ASTN2: variants seen among roughly 807,000 people sequenced by gnomAD.
ASTN2 encodes astrotactin-2.
Under a neutral mutation model 139.8 loss-of-function variants are expected in ASTN2, and 54 were observed. The ratio of observed to expected loss-of-function variants is 0.39; its 90% CI spans 0.31 to 0.48. The LOEUF is 0.48. Ranked by LOEUF, ASTN2 falls within the 20% of genes least tolerant of loss-of-function variation. The pLI, the probability that ASTN2 is intolerant of heterozygous loss-of-function variation, is 0.95. For synonymous variants in ASTN2, 756 were observed against 719.5 expected (o/e 1.05, Z -0.81); for missense variants, 1,565 against 1,725.1 (o/e 0.91, Z 1.64).
chr9:116,957,527 G>T (rs1588440456), intron 10 of ASTN2, among the ~76,000 whole-genome samples: 1 of 152,178 alleles, frequency 6.6e-6, no homozygotes, highest in East Asian at 1.9e-4. Context: ...AGTTGTCATG[G>T]TCTCTTGGGA....
intron 10 of ASTN2, among the ~76,000 whole-genome samples, chr9:116,974,641 T>G (rs1004869659): frequency 6.6e-6 from 1 of 151,640 alleles, no homozygotes; most frequent in African/African-American, 2.4e-5. Context: ...CCCAAGTAGC[T>G]GGGATTATAG....
intron 19 of ASTN2, among the ~76,000 whole-genome samples, chr9:116,537,074 C>T (rs968840469): frequency 2.0e-5 from 3 of 152,216 alleles, no homozygotes; most frequent in African/African-American, 7.2e-5. Flanking sequence ...CCTCCCCCAG[C>T]CTTGCTGCTG....
At chr9:116,744,893 AGGAAGAT>A (rs1829192962) in intron 13 of ASTN2, among the ~76,000 whole-genome samples, 1 of 152,180 alleles carries the variant, frequency 6.6e-6, no homozygotes, top group African/African-American at 2.4e-5. Flanking sequence ...TGAGACCCAC[AGGAAGAT>A]GGCCAGATCT....
chr9:116,841,048 C>T (rs111610995), intron 11 of ASTN2, among the ~76,000 whole-genome samples: 4 of 87,594 alleles, frequency 4.6e-5, no homozygotes, highest in South Asian at 3.4e-4. Flanking sequence ...GGAGGTTGCA[C>T]GAGCCAAGAT....
chr9:116,828,475 T>A (rs1247528444), intron 11 of ASTN2, among the ~76,000 whole-genome samples: 1 of 151,482 alleles, frequency 6.6e-6, no homozygotes, highest in Non-Finnish European at 1.5e-5. Flanking sequence ...CATACAATAA[T>A]CTCCATAGAT....
At chr9:117,412,339 C>T (rs142956366) in intron 1 of ASTN2, among the ~76,000 whole-genome samples, 148 of 152,212 alleles carry the variant, frequency 9.7e-4, no homozygotes, top group South Asian at 7.0e-3. Context: ...TCCCAAGCTG[C>T]CAGGCTCAGG....
intron 3 of ASTN2, among the ~76,000 whole-genome samples, chr9:117,193,734 T>C (rs1346028380): frequency 6.6e-6 from 1 of 152,018 alleles, no homozygotes; most frequent in African/African-American, 2.4e-5. Flanking sequence ...TAATCCCACA[T>C]GCAACCACTT....
chr9:117,120,012 GTGTGTGTATA>G (rs1829505203), intron 4 of ASTN2, among the ~76,000 whole-genome samples: 3 of 68,782 alleles, frequency 4.4e-5, no homozygotes, highest in South Asian at 5.9e-4. Flanking sequence ...GTGTGTGTGT[GTGTGTGTATA>G]TATATATATA....
intron 1 of ASTN2, among the ~76,000 whole-genome samples, chr9:117,360,571 T>C (rs1024039474): frequency 4.6e-5 from 7 of 152,278 alleles, no homozygotes; most frequent in Non-Finnish European, 8.8e-5. Flanking sequence ...GGAGAGAGTA[T>C]TGAACAAACA....
At chr9:116,790,586 G>A (rs757462122) in intron 13 of ASTN2, among the ~76,000 whole-genome samples, 1 of 151,926 alleles carries the variant, frequency 6.6e-6, no homozygotes, top group South Asian at 2.1e-4. Context: ...GGGAGTCTTC[G>A]CTGCCTCTCA....
At chr9:116,672,308 G>T (rs967127147) in intron 16 of ASTN2, among the ~76,000 whole-genome samples, 1 of 151,826 alleles carries the variant, frequency 6.6e-6, no homozygotes, top group African/African-American at 2.4e-5. Context: ...CAAGGCTGCA[G>T]TGAGCTGAGA....
intron 1 of ASTN2, among the ~76,000 whole-genome samples, chr9:117,319,663 T>G (rs1394898337): frequency 1.3e-5 from 2 of 152,002 alleles, no homozygotes; most frequent in East Asian, 3.9e-4. Context: ...CTCAAACTCC[T>G]GGCCTCAAGT....
At chr9:117,350,771 G>A (rs10818028) in intron 1 of ASTN2, among the ~76,000 whole-genome samples, 51,678 of 151,910 alleles carry the variant, frequency 0.34, 9,077 homozygotes, top group Middle Eastern at 0.38. Context: ...GGCTAAGAAT[G>A]TTAGCAAGTT....
At chr9:117,143,909 C>T (rs1160273140) in intron 3 of ASTN2, among the ~76,000 whole-genome samples, 1 of 152,098 alleles carries the variant, frequency 6.6e-6, no homozygotes, top group African/African-American at 2.4e-5. Flanking sequence ...TTAATTACCT[C>T]CCAAAGATCC....
intron 12 of ASTN2, among the ~76,000 whole-genome samples, chr9:116,816,974 C>G (rs1453531392): frequency 2.0e-5 from 3 of 151,010 alleles, no homozygotes; most frequent in African/African-American, 7.3e-5. Context: ...CAACATTCAG[C>G]CAATATTTAA....
chr9:116,743,180 A>C (rs2132141024), intron 13 of ASTN2, among the ~76,000 whole-genome samples: 1 of 152,262 alleles, frequency 6.6e-6, no homozygotes, highest in South Asian at 2.1e-4. Context: ...CAACTGAGGC[A>C]AGACTGGTGG....
At chr9:116,847,015 AAAAAAAAAAAAC>A (rs1832452625) in intron 11 of ASTN2, among the ~76,000 whole-genome samples, 1 of 144,682 alleles carries the variant, frequency 6.9e-6, no homozygotes, top group Non-Finnish European at 1.5e-5. Flanking sequence ...CTCAAAAAAA[AAAAAAAAAAAAC>A]AAAAAACAAA....
chr9:117,188,026 G>A (rs1012963250), intron 3 of ASTN2, among the ~76,000 whole-genome samples: 1 of 152,064 alleles, frequency 6.6e-6, no homozygotes, highest in African/African-American at 2.4e-5. Context: ...ATTATTTGCT[G>A]GGGTTGGGGG....
chr9:117,235,835 G>A (rs1009887084), intron 2 of ASTN2, among the ~76,000 whole-genome samples: 6 of 152,146 alleles, frequency 3.9e-5, no homozygotes, highest in African/African-American at 1.4e-4. Flanking sequence ...GGTGAGTGAG[G>A]CACTCATATT....
Sources: allele counts gnomAD v4.1 joint callset (sites outside exome capture counted in the v4.1 genomes callset), GRCh38; gene constraint gnomAD v4.1.1; transcripts MANE v1.5; gene names NCBI Gene and HGNC (gene_info 2026-07-23, HGNC 2026-07-21).